The following FAM135B variants were observed in gnomAD, a reference collection of about 807,000 sequenced individuals.
FAM135B encodes family with sequence similarity 135 member B.
A neutral mutation model predicts 127.7 loss-of-function variants in FAM135B; 43 were observed. The ratio of observed to expected loss-of-function variants is 0.34; its 90% CI spans 0.26 to 0.43. FAM135B has a LOEUF of 0.43. Ranked by LOEUF, FAM135B falls within the 20% of genes least tolerant of loss-of-function variation. The pLI, the probability that FAM135B is intolerant of heterozygous loss-of-function variation, is 1.00. For synonymous variants in FAM135B, 670 were observed against 665.1 expected (o/e 1.01, Z -0.11); for missense variants, 1,558 against 1,725.6 (o/e 0.90, Z 1.72).
At chr8:138,329,898 G>A (rs935697854) in intron 2 of FAM135B, among the ~76,000 whole-genome samples, 10 of 152,272 alleles carry the variant, frequency 6.6e-5, no homozygotes, top group South Asian at 4.2e-4. Context: ...AAATATTAAC[G>A]AATTGAATAG....
intron 1 of FAM135B, among the ~76,000 whole-genome samples, chr8:138,419,583 T>A (rs1834369242): frequency 6.6e-6 from 1 of 152,184 alleles, no homozygotes; most frequent in African/African-American, 2.4e-5. Flanking sequence ...TGGCAACTAC[T>A]CTAAGATCAA....
intron 1 of FAM135B, among the ~76,000 whole-genome samples, chr8:138,424,284 G>C (rs960806681): frequency 3.3e-5 from 5 of 152,204 alleles, no homozygotes; most frequent in African/African-American, 1.2e-4. Context: ...TTGCAGTAAA[G>C]AGAGGCGTAA....
intron 15 of FAM135B, among the ~76,000 whole-genome samples, chr8:138,143,812 C>T (rs1817422916): frequency 6.6e-6 from 1 of 152,170 alleles, no homozygotes; most frequent in African/African-American, 2.4e-5. Context: ...GTCTATAACA[C>T]CATGGGCTGC....
intron 2 of FAM135B, among the ~76,000 whole-genome samples, chr8:138,317,691 G>A (rs553952134): frequency 1.8e-4 from 28 of 152,208 alleles, no homozygotes; most frequent in African/African-American, 6.3e-4. Context: ...TGGAGAAAAC[G>A]CAAACGCCTA....
chr8:138,130,248 C>T lies in FAM135B; in HGVS notation c.*2345G>A, dbSNP rs914989682. On this transcript the variant is annotated 3_prime_UTR_variant, in exon 20 of 20. Transcript: ENST00000395297. ...ATTTATATATTCGATATCTATATTT[C>T]AATAGAAAGAGACATAAAAAAGCCT... 3 of 150,608 alleles carry T rather than the reference C, an allele frequency of 2.0e-5. No individual in the cohort carries two copies. Among genetic ancestry groups the T allele is most frequent in the African/African-American group, 4.9e-5 (2 of 41,068 alleles). 9.3% of individuals were successfully genotyped at this position (150,608 alleles called of 1,614,324 possible).
At chr8:138,155,166 C>A (rs1260237622) in intron 12 of FAM135B, among the ~76,000 whole-genome samples, 1 of 152,186 alleles carries the variant, frequency 6.6e-6, no homozygotes, top group Non-Finnish European at 1.5e-5. Flanking sequence ...AAAGAACTTT[C>A]AACCCAGAAT....
intron 1 of FAM135B, among the ~76,000 whole-genome samples, chr8:138,482,662 C>T (rs1378629420): frequency 3.9e-5 from 6 of 151,942 alleles, no homozygotes; most frequent in Middle Eastern, 3.2e-3. Context: ...TCATTTAATC[C>T]TCAAAATACT....
At chr8:138,201,733 G>A (rs917260031) in intron 7 of FAM135B, among the ~76,000 whole-genome samples, 6 of 152,102 alleles carry the variant, frequency 3.9e-5, no homozygotes, top group African/African-American at 9.7e-5. Flanking sequence ...ATAATAAAAC[G>A]AGAATCAAGC....
intron 7 of FAM135B, among the ~76,000 whole-genome samples, chr8:138,237,131 C>CT (rs1386452140): frequency 6.8e-6 from 1 of 148,048 alleles, no homozygotes; most frequent in Non-Finnish European, 1.5e-5. Flanking sequence ...GCACCTCACT[C>CT]TGAGTAACTG....
At chr8:138,281,656 T>C (rs900330422) in intron 3 of FAM135B, among the ~76,000 whole-genome samples, 1 of 152,160 alleles carries the variant, frequency 6.6e-6, no homozygotes, top group Non-Finnish European at 1.5e-5. Flanking sequence ...GACCCTCTGA[T>C]AGCTTTTCTC....
At chr8:138,218,768 G>C (rs60853228) in intron 7 of FAM135B, among the ~76,000 whole-genome samples, 102,941 of 138,908 alleles carry the variant, frequency 0.74, 35,951 homozygotes, top group Middle Eastern at 0.8. Context: ...CACACACACA[G>C]AGAGAGAGAG....
At chr8:138,419,213 T>A (rs1253117902) in intron 1 of FAM135B, among the ~76,000 whole-genome samples, 1 of 152,230 alleles carries the variant, frequency 6.6e-6, no homozygotes, top group Admixed American at 6.5e-5. Context: ...GCTATTCTTA[T>A]TTCAGAGAAA....
chr8:138,236,069 C>T (rs556217490), intron 7 of FAM135B, among the ~76,000 whole-genome samples: 11 of 152,160 alleles, frequency 7.2e-5, no homozygotes, highest in Middle Eastern at 3.4e-3. Flanking sequence ...AGTCAAATGC[C>T]GGACACTCTA....
At chr8:138,407,312 C>T (rs559970969) in intron 1 of FAM135B, among the ~76,000 whole-genome samples, 3 of 152,072 alleles carry the variant, frequency 2.0e-5, no homozygotes, top group Non-Finnish European at 2.9e-5. Context: ...GAATCAATAT[C>T]GTGAAAATGG....
Position 138,131,463 on chromosome 8 carries a change from C to T in FAM135B, c.*1130G>A, listed in dbSNP as rs1816210822. ...AGTCTTCAGTCTGGTTGTTCTCCTCCTATCTGATCTCACTTTTGTCCCTGT... is the reference window on the plus strand; with the variant it reads ...AGTCTTCAGTCTGGTTGTTCTCCTCTTATCTGATCTCACTTTTGTCCCTGT... On this transcript the variant is annotated 3_prime_UTR_variant, in exon 20 of 20. Coordinates refer to ENST00000395297, the MANE Select transcript of FAM135B (RefSeq NM_015912.4). 6.5e-6 allele frequency: 1 copy of T among 152,724 alleles called. No individual in the cohort carries two copies. Among genetic ancestry groups the T allele is most frequent in the Middle Eastern group, 3.4e-3 (1 of 294 alleles). The allele number at this position is 152,724 out of a possible 1,614,324, so 9.5% of individuals were successfully genotyped here.
Position 138,243,015 on chromosome 8 carries a change from C to T in FAM135B, c.596G>A (p.Gly199Glu), listed in dbSNP as rs770462398. The change falls in exon 7 of 20, where the codon GGA becomes GAA. Residue 199 changes from glycine to glutamate, a missense_variant. Gly to Glu is a moderately conservative substitution (Grantham distance 98). This residue lies in a region of FAM135B where 127 missense variants were observed against 109.7 expected (regional missense o/e 1.16). Transcript: ENST00000395297. The surrounding 1 kb of genome is among the most constrained non-coding windows in gnomAD (Gnocchi z 7.5). ...SWLGKGGPDT[G>E]QEQSIISLEN... is the part of the protein sequence containing the mutation. ...CAGAGAAATGATAGACTGTTCTTGTCCGGTGTCTGGGCCACCTTTACCAAG... is the reference window on the plus strand; with the variant it reads ...CAGAGAAATGATAGACTGTTCTTGTTCGGTGTCTGGGCCACCTTTACCAAG... 4 of 1,613,922 alleles carry T rather than the reference C, an allele frequency of 2.5e-6. No homozygotes were observed. Among genetic ancestry groups the T allele is most frequent in the East Asian group, 2.2e-5 (1 of 44,866 alleles).
intron 12 of FAM135B, among the ~76,000 whole-genome samples, chr8:138,167,132 G>T (rs1008193924): frequency 6.6e-6 from 1 of 151,966 alleles, no homozygotes; most frequent in Non-Finnish European, 1.5e-5. Flanking sequence ...AAGCAGACAG[G>T]GGGATAATGT....
chr8:138,358,662 T>C (rs916037400), intron 2 of FAM135B: 1 of 152,192 alleles, frequency 6.6e-6, no homozygotes, highest in Non-Finnish European at 1.5e-5. Flanking sequence ...AGGATATGTG[T>C]CTCTTAAATG....
chr8:138,422,700 AAAAAACAAAAAC>A (rs372775712), intron 1 of FAM135B, among the ~76,000 whole-genome samples: 14 of 152,338 alleles, frequency 9.2e-5, no homozygotes, highest in Admixed American at 1.3e-4. Context: ...AGATTTCTGA[AAAAAACAAAAAC>A]AAAAACAAAA....
Sources: allele counts gnomAD v4.1 joint callset (sites outside exome capture counted in the v4.1 genomes callset), GRCh38; gene constraint gnomAD v4.1.1; regional missense constraint gnomAD v4.1.1; non-coding constraint Gnocchi (gnomAD v3.1); transcripts MANE v1.5; gene names NCBI Gene and HGNC (gene_info 2026-07-23, HGNC 2026-07-21).